Variants in RNF180 observed in about 807,000 individuals in gnomAD.
RNF180 encodes the protein E3 ubiquitin-protein ligase RNF180.
Under a neutral mutation model 59.2 loss-of-function variants are expected in RNF180, and 38 were observed. That is an observed-to-expected ratio of 0.64 (90% CI 0.50 to 0.84). RNF180 has a LOEUF of 0.84. Ranked by LOEUF, RNF180 falls within the 40% of genes least tolerant of loss-of-function variation. The pLI, the probability that RNF180 is intolerant of heterozygous loss-of-function variation, is 0.00. For synonymous variants in RNF180, 262 were observed against 240.3 expected, an observed-to-expected ratio of 1.09 and a Z score of -0.84; for missense variants, 705 against 700.9, an observed-to-expected ratio of 1.01 and a Z score of -0.07.
At chr5:64,241,781 T>A (rs1044813846) in intron 5 of RNF180, among the ~76,000 whole-genome samples, 2 of 152,114 alleles carry the variant, frequency 1.3e-5, no homozygotes, top group Non-Finnish European at 2.9e-5. Context: ...AGTTTTTCAT[T>A]ACCCACATTA....
chr5:64,217,367 TACTC>T lies in RNF180; in HGVS notation c.1200_1203del (p.Tyr400Ter), dbSNP rs1012594766. The T allele has an allele frequency of 9.9e-6, 14 of 1,411,934 alleles. No homozygotes were observed. Among genetic ancestry groups the T allele is most frequent in the Admixed American group, 2.8e-5 (1 of 36,360 alleles). 87.5% of individuals were successfully genotyped at this position (1,411,934 alleles called of 1,614,324 possible). A position where few individuals can be genotyped will look rare whatever the true frequency, so the allele number is the denominator to read the frequency against. On this transcript the variant is annotated frameshift_variant, in exon 5 of 8. Coordinates refer to ENST00000389100, the MANE Select transcript of RNF180 (RefSeq NM_001113561.2). LOFTEE classifies it high-confidence loss of function. The stretch of plus-strand genomic sequence containing the variant: ...TAATTTTTTATTTCTCTAGGGTAAA[TACTC>T]AGGAGTGGGATTGCTGGATCATATG...
intron 1 of RNF180, among the ~76,000 whole-genome samples, chr5:64,179,431 TTTGCTACACATGCA>T (rs143144497): frequency 0.26 from 39,227 of 152,078 alleles, 5,213 homozygotes; most frequent in Middle Eastern, 0.32. Flanking sequence ...TTCTTATGCT[TTTGCTACACATGCA>T]TGTATCAATA....
chr5:64,372,276 C>T lies in RNF180; in HGVS notation c.*2462C>T, dbSNP rs997549639. On this transcript the variant is annotated 3_prime_UTR_variant, in exon 8 of 8. Coordinates refer to ENST00000389100, the MANE Select transcript of RNF180 (RefSeq NM_001113561.2). ...AAAAAAGCAAATTCACAAACCTAGACCCATTTATTTTATACTCAGCAGAAG... is the reference window on the plus strand; with the variant it reads ...AAAAAAGCAAATTCACAAACCTAGATCCATTTATTTTATACTCAGCAGAAG... 3 of 151,466 alleles carry T rather than the reference C, an allele frequency of 2.0e-5. No homozygotes were observed. Among genetic ancestry groups the T allele is most frequent in the South Asian group, 2.1e-4 (1 of 4,812 alleles). 9.4% of individuals were successfully genotyped at this position (151,466 alleles called of 1,614,324 possible).
At chr5:64,258,951 G>T (rs1290826324) in intron 5 of RNF180, among the ~76,000 whole-genome samples, 2 of 152,160 alleles carry the variant, frequency 1.3e-5, no homozygotes, top group African/African-American at 2.4e-5. Context: ...AGCCAAGTAG[G>T]TAGGATATTT....
At chr5:64,365,125 C>T (rs1311399059) in intron 7 of RNF180, among the ~76,000 whole-genome samples, 1 of 151,300 alleles carries the variant, frequency 6.6e-6, no homozygotes, top group Non-Finnish European at 1.5e-5. Context: ...GCTCTTGCTT[C>T]TCTAGTTGTA....
chr5:64,188,044 C>T (rs1750955603), intron 1 of RNF180, among the ~76,000 whole-genome samples: 2 of 152,112 alleles, frequency 1.3e-5, no homozygotes, highest in Non-Finnish European at 2.9e-5. Context: ...TCACAATAGG[C>T]ATCAAGAAGA....
At chr5:64,199,852 A>G (rs1482919667) in intron 1 of RNF180, among the ~76,000 whole-genome samples, 2 of 152,236 alleles carry the variant, frequency 1.3e-5, no homozygotes, top group Admixed American at 1.3e-4. Flanking sequence ...AAGTATTGAC[A>G]TAAAATCTCA....
At chr5:64,357,920 A>G (rs984695566) in intron 7 of RNF180, among the ~76,000 whole-genome samples, 4 of 151,874 alleles carry the variant, frequency 2.6e-5, no homozygotes, top group Non-Finnish European at 4.4e-5. Flanking sequence ...AATTTTTATA[A>G]CCTAAACCTG....
intron 5 of RNF180, among the ~76,000 whole-genome samples, chr5:64,247,471 A>G (rs1196621960): frequency 6.6e-6 from 1 of 152,228 alleles, no homozygotes; most frequent in East Asian, 1.9e-4. Flanking sequence ...CACCAATAAT[A>G]GAAAAACAGC....
At position 64,249,492 on chromosome 5, in the gene RNF180, G is replaced by A. The variant is rs187978576; in HGVS notation, c.1227+32096G>A. On this transcript the variant is annotated intron_variant, in intron 5 of 7. Transcript: ENST00000389100. ...TCCTTCACAAATGAAGGAGAGAGGA[G>A]GCTTTCCCAGACAAACAGAATCTAA... Among the ~76,000 whole-genome samples, 97 of 152,190 alleles carry A rather than the reference G, an allele frequency of 6.4e-4. 2 individuals carry two copies. The East Asian group carries it at 0.015, about 23-fold the overall frequency.
At chr5:64,242,070 G>C (rs1387392737) in intron 5 of RNF180, among the ~76,000 whole-genome samples, 1 of 152,174 alleles carries the variant, frequency 6.6e-6, no homozygotes, top group Non-Finnish European at 1.5e-5. Flanking sequence ...CTCAGTGGCA[G>C]GCAGCTCTCA....
intron 7 of RNF180, among the ~76,000 whole-genome samples, chr5:64,340,858 A>G (rs542915260): frequency 1.1e-4 from 16 of 152,160 alleles, no homozygotes; most frequent in Non-Finnish European, 2.2e-4. Flanking sequence ...TTGTTCAACT[A>G]TCACCACTTC....
intron 6 of RNF180, among the ~76,000 whole-genome samples, chr5:64,326,762 T>C (rs981380465): frequency 6.6e-6 from 1 of 152,192 alleles, no homozygotes; most frequent in African/African-American, 2.4e-5. Flanking sequence ...TCAGGGCTAT[T>C]GGACTGAAAA....
rs547406949 is a variant in RNF180 at position 64,201,356 on chromosome 5, A to G, written c.135+414A>G. ...TGTATTCACTATGGGCCTAGAAAAG[A>G]AAGTTTATGTGTTAATATAAAAGTA... On this transcript the variant is annotated intron_variant, in intron 2 of 7. Transcript: ENST00000389100. 3.9e-5 allele frequency among the ~76,000 whole-genome samples: 6 copies of G among 152,314 alleles called. 1 individual carries two copies. The South Asian group carries it at 1.2e-3, about 32-fold the overall frequency.
intron 1 of RNF180, among the ~76,000 whole-genome samples, chr5:64,174,889 G>GCAT (rs1351304131): frequency 6.6e-6 from 1 of 150,422 alleles, no homozygotes; most frequent in Admixed American, 6.6e-5. Flanking sequence ...AGGTCATAAA[G>GCAT]CATTTCCCTC....
chr5:64,332,282 C>A (rs1044775023), intron 7 of RNF180, among the ~76,000 whole-genome samples: 21 of 152,186 alleles, frequency 1.4e-4, no homozygotes, highest in African/African-American at 4.8e-4. Flanking sequence ...GGCACCAGTA[C>A]TCTGTATAAA....
intron 7 of RNF180, among the ~76,000 whole-genome samples, chr5:64,335,252 G>T (rs1331388822): frequency 6.6e-6 from 1 of 151,706 alleles, no homozygotes; most frequent in Admixed American, 6.6e-5. Flanking sequence ...TTTTTCTGTT[G>T]GTTATATGAA....
At chr5:64,189,954 A>C (rs1473688877) in intron 1 of RNF180, among the ~76,000 whole-genome samples, 1 of 152,208 alleles carries the variant, frequency 6.6e-6, no homozygotes, top group Non-Finnish European at 1.5e-5. Flanking sequence ...ACAAAAGATA[A>C]GGACCCGAAG....
chr5:64,360,882 G>A (rs148537385), intron 7 of RNF180, among the ~76,000 whole-genome samples: 36 of 151,682 alleles, frequency 2.4e-4, no homozygotes, highest in African/African-American at 8.4e-4. Flanking sequence ...ATGCAATGGA[G>A]TGTGTTACAT....
Sources: allele counts gnomAD v4.1 joint callset (sites outside exome capture counted in the v4.1 genomes callset), GRCh38; gene constraint gnomAD v4.1.1; transcripts MANE v1.5; gene names NCBI Gene and HGNC (gene_info 2026-07-23, HGNC 2026-07-21).